ZC3H7B: variants seen among roughly 807,000 people sequenced by gnomAD.
The protein encoded by ZC3H7B is zinc finger CCCH domain-containing protein 7B.
A neutral mutation model predicts 116.0 loss-of-function variants in ZC3H7B; 35 were observed. That is an observed-to-expected ratio of 0.30 (90% confidence interval 0.23 to 0.40). The LOEUF (loss-of-function observed/expected upper bound fraction) is 0.40, where lower values mean the gene tolerates loss of function less well. Ranked by LOEUF, ZC3H7B falls within the 10% of genes least tolerant of loss-of-function variation. The probability of loss-of-function intolerance (pLI) is 1.00; values close to 1 mark genes in which losing one functional copy is unlikely to be tolerated. For synonymous variants in ZC3H7B, 502 were observed against 545.6 expected (o/e 0.92, Z 1.11); for missense variants, 1,011 against 1,321.5 (o/e 0.77, Z 3.64).
chr22:41,353,208 G>C (rs571855432), intron 17 of ZC3H7B, among the ~76,000 whole-genome samples: 1 of 152,328 alleles, frequency 6.6e-6, no homozygotes, highest in South Asian at 2.1e-4. Context: ...CTTCGCCATG[G>C]TCCTGAAGAG....
chr22:41,328,265 C>T (rs79356064), intron 5 of ZC3H7B, among the ~76,000 whole-genome samples: 4,758 of 152,274 alleles, frequency 0.031, 116 homozygotes, highest in Non-Finnish European at 0.045. Flanking sequence ...TCATCCGCAC[C>T]ACAGCGGATA....
At chr22:41,326,353 C>G (rs1402302895) in intron 4 of ZC3H7B, among the ~76,000 whole-genome samples, 5 of 144,582 alleles carry the variant, frequency 3.5e-5, no homozygotes, top group Non-Finnish European at 7.6e-5. Flanking sequence ...CCTCACTGTT[C>G]CTCCCATAGC....
At chr22:41,330,759 T>C (rs1014074081) in intron 6 of ZC3H7B, among the ~76,000 whole-genome samples, 6 of 151,814 alleles carry the variant, frequency 4.0e-5, no homozygotes, top group Admixed American at 3.3e-4. Flanking sequence ...CTGATCAACA[T>C]GTAGAAACCC....
chr22:41,347,296 C>T (rs1400901081), intron 14 of ZC3H7B, among the ~76,000 whole-genome samples: 1 of 152,262 alleles, frequency 6.6e-6, no homozygotes, highest in Non-Finnish European at 1.5e-5. Context: ...GCCGTGTCCA[C>T]GGCCCCACGT....
rs1247148894 is a variant in ZC3H7B at position 41,343,398 on chromosome 22, G to A, written c.1298-17G>A. 3 of 1,599,024 alleles carry A rather than the reference G, an allele frequency of 1.9e-6. No homozygotes were observed. In the South Asian group the frequency reaches 3.3e-5, roughly 18 times the overall value. On this transcript the variant is annotated splice_polypyrimidine_tract_variant and intron_variant, in intron 12 of 22. Coordinates refer to ENST00000352645, the MANE Select transcript of ZC3H7B (RefSeq NM_017590.6). ...TTCTGCTTCCGGAATTATCATGTGTGTCCACCCTGCCCATAGGCCCCCGGG... is the reference window on the plus strand; with the variant it reads ...TTCTGCTTCCGGAATTATCATGTGTATCCACCCTGCCCATAGGCCCCCGGG...
At position 41,307,178 on chromosome 22, in the gene ZC3H7B, A is replaced by G. The variant is rs188163536; in HGVS notation, c.-7+5406A>G. 6.1e-3 allele frequency among the ~76,000 whole-genome samples: 923 copies of G among 151,814 alleles called. 28 individuals carry two copies. Among genetic ancestry groups the G allele is most frequent in the Admixed American group, 0.053 (809 of 15,250 alleles). On this transcript the variant is annotated intron_variant, in intron 1 of 22. Coordinates refer to ENST00000352645, the MANE Select transcript of ZC3H7B (RefSeq NM_017590.6). ...TTTTTAGTAGAGATGGTGTTTCACC[A>G]TGTTGGTCAGACTGGTCTTGAACTC...
chr22:41,355,898 G>A (rs1030574112), intron 19 of ZC3H7B, 36 bp downstream of exon 19: 1 of 1,611,306 alleles, frequency 6.2e-7, no homozygotes, highest in Admixed American at 1.7e-5. Flanking sequence ...GGTCCCCCAG[G>A]AGGCAGCGAT....
At chr22:41,344,168 C>T (rs2036557613) in intron 13 of ZC3H7B, among the ~76,000 whole-genome samples, 1 of 152,208 alleles carries the variant, frequency 6.6e-6, no homozygotes, top group African/African-American at 2.4e-5. Context: ...CCAGTGTAGC[C>T]CTTTCATTTC....
In ZC3H7B at chr22:41,302,520, G is replaced by A. The variant is rs2035981707; in HGVS notation, c.-7+748G>A. Among the ~76,000 whole-genome samples, 1 of 152,142 alleles carries A rather than the reference G, an allele frequency of 6.6e-6. No homozygotes were observed. Among genetic ancestry groups the A allele is most frequent in the Non-Finnish European group, 1.5e-5 (1 of 68,006 alleles). ...CTGCGGACCCCGGCTCTGGCGCCTG[G>A]GGACGGGGGCGCCCTGACGGGGCTG... On this transcript the variant is annotated intron_variant, in intron 1 of 22. Coordinates refer to ENST00000352645, the MANE Select transcript of ZC3H7B (RefSeq NM_017590.6). The surrounding 1 kb of genome is among the most constrained non-coding windows in gnomAD (Gnocchi z 5.7).
Position 41,357,524 on chromosome 22 carries a change from G to C in ZC3H7B, c.*95G>C. The stretch of plus-strand genomic sequence containing the variant: ...GGGTCAGGGCAGGCCAGGGGGGTGG[G>C]GGGCCGCCCTCATCAGGCAGCCCCC... On this transcript the variant is annotated 3_prime_UTR_variant, in exon 23 of 23. Coordinates refer to ENST00000352645, the MANE Select transcript of ZC3H7B (RefSeq NM_017590.6). This position sits in a 1 kb window ranked among gnomAD's most constrained non-coding sequence, Gnocchi z 5.4. 1 of 877,552 alleles carries C rather than the reference G, an allele frequency of 1.1e-6. No homozygotes were observed. The highest frequency in any genetic ancestry group is 1.7e-6 in the Non-Finnish European group (1 of 604,704). The allele number at this position is 877,552 out of a possible 1,614,324, so 54.4% of individuals were successfully genotyped here. A position where few individuals can be genotyped will look rare whatever the true frequency, so the allele number is the denominator to read the frequency against.
At chr22:41,343,829 G>A (rs1477679363) in intron 13 of ZC3H7B, among the ~76,000 whole-genome samples, 4 of 152,184 alleles carry the variant, frequency 2.6e-5, no homozygotes, top group African/African-American at 7.2e-5. Context: ...GACCGAGCCC[G>A]TCACTGGCCT....
At chr22:41,356,284 T>A in intron 20 of ZC3H7B, 59 bp from the exon 21 acceptor site, 1 of 1,605,736 alleles carries the variant, frequency 6.2e-7, no homozygotes, top group South Asian at 1.1e-5. Context: ...GTGGGGACCA[T>A]GGGGCAGAAT....
rs976624230 is a variant in ZC3H7B, at chr22:41,360,075, C to T, written c.*2646C>T. ...TAGATGTTTTAATAACAATTTTTGT[C>T]CTTCTTAAAATAAAATGAAAGAAAC... On this transcript the variant is annotated 3_prime_UTR_variant, in exon 23 of 23. Transcript: ENST00000352645. The T allele has an allele frequency of 2.6e-5, 4 of 152,388 alleles. No homozygotes were observed. Among genetic ancestry groups the T allele is most frequent in the Non-Finnish European group, 4.4e-5 (3 of 68,032 alleles). 9.4% of individuals were successfully genotyped at this position (152,388 alleles called of 1,614,324 possible).
chr22:41,328,840 G>T, intron 5 of ZC3H7B, among the ~76,000 whole-genome samples: 1 of 151,852 alleles, frequency 6.6e-6, no homozygotes, highest in East Asian at 1.9e-4. Context: ...AGATTGTTTG[G>T]CGATAGAAAC....
chr22:41,314,621 A>G (rs1174688418), intron 1 of ZC3H7B, among the ~76,000 whole-genome samples: 1 of 133,890 alleles, frequency 7.5e-6, no homozygotes. Flanking sequence ...ATTTTATTTT[A>G]TTTTTTGAGA....
At position 41,345,929 on chromosome 22, in the gene ZC3H7B, G is replaced by A. The variant is rs553501083; in HGVS notation, c.1460-74G>A. ...TCATGGGGCCAGAGCCCCACAGGCC[G>A]CAGCGGGGTGGCGAGGGTGCTGCGG... On this transcript the variant is annotated intron_variant, in intron 13 of 22. Transcript: ENST00000352645. 5.1e-5 allele frequency: 77 copies of A among 1,500,728 alleles called. No homozygotes were observed. The Admixed American group carries it at 7.9e-4, about 15-fold the overall frequency. The allele number at this position is 1,500,728 out of a possible 1,614,324, so 93.0% of individuals were successfully genotyped here.
In ZC3H7B at chr22:41,356,560, A is replaced by C. The variant is rs1253914213; in HGVS notation, c.2517+84A>C. 4 of 1,608,766 alleles carry C rather than the reference A, an allele frequency of 2.5e-6. No individual in the cohort carries two copies. The African/African-American group carries it at 5.3e-5, about 21-fold the overall frequency. On this transcript the variant is annotated intron_variant, in intron 21 of 22. Transcript: ENST00000352645. ...CTGGGAGGGGCAGCCTGGAGGGCCCAGCCGGCCAGCGCTCAGCCTCTCCGA... is the reference window on the plus strand; with the variant it reads ...CTGGGAGGGGCAGCCTGGAGGGCCCCGCCGGCCAGCGCTCAGCCTCTCCGA...
intron 2 of ZC3H7B, among the ~76,000 whole-genome samples, chr22:41,323,016 C>T (rs918888527): frequency 3.3e-5 from 5 of 152,320 alleles, no homozygotes; most frequent in Admixed American, 3.3e-4. Context: ...TCTCACAGAG[C>T]GAGTGTTCAT....
At chr22:41,350,614 G>A (rs887081176) in intron 16 of ZC3H7B, among the ~76,000 whole-genome samples, 2 of 152,152 alleles carry the variant, frequency 1.3e-5, no homozygotes, top group Non-Finnish European at 2.9e-5. Flanking sequence ...TGGACTCTAA[G>A]ATCAGAGCAA....
Sources: gnomAD v4.1 joint callset for allele counts (sites outside exome capture counted in the v4.1 genomes callset) on GRCh38, gnomAD v4.1.1 for gene constraint, Gnocchi (gnomAD v3.1) non-coding constraint, MANE v1.5 for transcripts, NCBI Gene and HGNC (gene_info 2026-07-23, HGNC 2026-07-21) for gene names.